EPB41: variants seen among roughly 807,000 people sequenced by gnomAD.
The protein encoded by EPB41 is protein 4.1.
A neutral mutation model predicts 108.0 loss-of-function variants in EPB41; 65 were observed. That is an observed-to-expected ratio of 0.60 (90% CI 0.49 to 0.74). The LOEUF (loss-of-function observed/expected upper bound fraction) is 0.74. Ranked by LOEUF, EPB41 falls within the 30% of genes least tolerant of loss-of-function variation. The pLI is 0.00. For synonymous variants in EPB41, 336 were observed against 358.9 expected, an observed-to-expected ratio of 0.94 and a Z score of 0.72; for missense variants, 875 against 1,037.0, an observed-to-expected ratio of 0.84 and a Z score of 2.15.
chr1:29,060,284 C>T, intron 14 of EPB41, 138 bp from the exon 15 acceptor site: 2 of 662,468 alleles, frequency 3.0e-6, no homozygotes, highest in South Asian at 1.7e-5. Flanking sequence ...ACTCTCTGAC[C>T]ATTTCATGTT....
At chr1:29,021,001 T>C (rs918709698) in intron 7 of EPB41, among the ~76,000 whole-genome samples, 4 of 152,186 alleles carry the variant, frequency 2.6e-5, no homozygotes, top group South Asian at 4.1e-4. Context: ...AGAGGACTTA[T>C]AGTCTCTCAT....
At chr1:28,891,786 A>C (rs1021655347) in intron 1 of EPB41, among the ~76,000 whole-genome samples, 6 of 151,998 alleles carry the variant, frequency 3.9e-5, no homozygotes, top group Non-Finnish European at 7.4e-5. Context: ...GCTGGAGAGA[A>C]GCCCTAAGAA....
chr1:28,943,450 C>T (rs979065573), intron 1 of EPB41, among the ~76,000 whole-genome samples: 4 of 152,020 alleles, frequency 2.6e-5, no homozygotes, highest in Non-Finnish European at 2.9e-5. Flanking sequence ...GTCAGGAGTT[C>T]GAGACCAGCC....
At chr1:29,030,293 G>A (rs966741551) in intron 7 of EPB41, 107 bp from the exon 8 acceptor site, 20 of 828,996 alleles carry the variant, frequency 2.4e-5, no homozygotes, top group African/African-American at 3.4e-5. Context: ...TCTTAATATA[G>A]TGGTATGTAT....
intron 17 of EPB41, among the ~76,000 whole-genome samples, chr1:29,106,467 A>T (rs1032947892): frequency 6.6e-5 from 9 of 137,170 alleles, no homozygotes; most frequent in Non-Finnish European, 9.5e-5. Context: ...TTATTTATTT[A>T]TTTTTTTGAG....
At chr1:29,101,357 A>G (rs189540683) in intron 17 of EPB41, among the ~76,000 whole-genome samples, 1 of 152,342 alleles carries the variant, frequency 6.6e-6, no homozygotes, top group Non-Finnish European at 1.5e-5. Flanking sequence ...TAAAGTGGGG[A>G]TAATACCACT....
chr1:29,016,757 A>T (rs942164218), intron 6 of EPB41, among the ~76,000 whole-genome samples: 2 of 152,190 alleles, frequency 1.3e-5, no homozygotes, highest in Non-Finnish European at 2.9e-5. Context: ...GTGCATATTT[A>T]TATTCATGAC....
Position 29,037,416 on chromosome 1 carries a change from G to A in EPB41, c.1463+1493G>A, listed in dbSNP as rs569260744. Among the ~76,000 whole-genome samples the A allele has an allele frequency of 1.4e-4, 21 of 152,198 alleles. No individual in the cohort carries two copies. In the South Asian group the frequency reaches 4.4e-3, roughly 32 times the overall value. On this transcript the variant is annotated intron_variant, in intron 10 of 20. Coordinates refer to ENST00000343067, the MANE Select transcript of EPB41 (RefSeq NM_001376013.1). ...TTAACCCCTTGAGTTCGTTTACCAA[G>A]CATTTTCTATGTGCTTACCCTTCTT...
At chr1:29,101,101 G>A (rs920024903) in intron 17 of EPB41, among the ~76,000 whole-genome samples, 3 of 152,056 alleles carry the variant, frequency 2.0e-5, no homozygotes, top group African/African-American at 7.2e-5. Context: ...GTGCATGCCT[G>A]TAATCCCAGC....
chr1:28,989,023 G>C (rs1190508392), intron 2 of EPB41, among the ~76,000 whole-genome samples: 2 of 152,210 alleles, frequency 1.3e-5, no homozygotes, highest in Non-Finnish European at 2.9e-5. Context: ...ATTAGGAACA[G>C]GACGGTTATC....
intron 1 of EPB41, among the ~76,000 whole-genome samples, chr1:28,971,364 A>G (rs935626042): frequency 4.6e-5 from 7 of 151,452 alleles, no homozygotes; most frequent in Admixed American, 1.3e-4. Context: ...TTGTATTTTT[A>G]GTAGAGACTG....
In EPB41 at chr1:29,039,333, G is replaced by A. The variant is rs767940050; in HGVS notation, c.1543G>A (p.Ala515Thr). ...ATTTCGATACAGTGGCCGGACTCAA[G>A]CTCAGACCAGGCAAGCTAGTGCTCT... is the stretch of plus-strand genomic sequence containing the variant. The part of the protein sequence containing the change: ...SKFRYSGRTQ[A>T]QTRQASALID... Residue 515 changes from alanine to threonine, a missense_variant, in exon 11 of 21, where the codon GCT (alanine) becomes ACT (threonine). By Grantham distance (58) the Ala-to-Thr change is moderately conservative. Coordinates refer to ENST00000343067, the MANE Select transcript of EPB41 (RefSeq NM_001376013.1). 5.0e-6 allele frequency: 8 copies of A among 1,614,140 alleles called. No individual in the cohort carries two copies. The South Asian group carries it at 8.8e-5, about 18-fold the overall frequency.
intron 1 of EPB41, among the ~76,000 whole-genome samples, chr1:28,907,578 G>A (rs1043743800): frequency 2.6e-5 from 4 of 152,056 alleles, no homozygotes; most frequent in Non-Finnish European, 2.9e-5. Context: ...GGTTGTTAAG[G>A]CATTCCTTGA....
intron 4 of EPB41, among the ~76,000 whole-genome samples, chr1:29,008,218 T>C (rs1326447539): frequency 6.6e-6 from 1 of 152,188 alleles, no homozygotes; most frequent in Non-Finnish European, 1.5e-5. Context: ...ACCCTCATCA[T>C]GAGCCCATCC....
intron 1 of EPB41, among the ~76,000 whole-genome samples, chr1:28,947,332 C>T (rs770787101): frequency 8.6e-5 from 13 of 151,700 alleles, no homozygotes; most frequent in Non-Finnish European, 1.8e-4. Flanking sequence ...CGCTTGATCT[C>T]GGGAGGCGGA....
intron 11 of EPB41, among the ~76,000 whole-genome samples, chr1:29,045,174 T>C (rs2150553437): frequency 6.6e-6 from 1 of 152,334 alleles, no homozygotes; most frequent in East Asian, 1.9e-4. Context: ...GTTGATTATA[T>C]GGATCAGTTT....
intron 1 of EPB41, among the ~76,000 whole-genome samples, chr1:28,963,561 C>T (rs1441218166): frequency 2.0e-5 from 3 of 152,134 alleles, no homozygotes; most frequent in Non-Finnish European, 4.4e-5. Flanking sequence ...CTCATAGTCC[C>T]TCTGGAGGAG....
intron 14 of EPB41, among the ~76,000 whole-genome samples, chr1:29,059,600 A>C (rs1399916074): frequency 6.6e-6 from 1 of 151,796 alleles, no homozygotes; most frequent in Non-Finnish European, 1.5e-5. Context: ...ACATAGGGAG[A>C]CCCCATCTCT....
At chr1:28,973,325 G>A (rs2095533765) in intron 1 of EPB41, among the ~76,000 whole-genome samples, 2 of 152,052 alleles carry the variant, frequency 1.3e-5, no homozygotes, top group African/African-American at 2.4e-5. Flanking sequence ...GATATTGGGG[G>A]TGGGGGAGAA....
Sources: gnomAD v4.1 joint callset for allele counts (sites outside exome capture counted in the v4.1 genomes callset) on GRCh38, gnomAD v4.1.1 for gene constraint, MANE v1.5 for transcripts, NCBI Gene and HGNC (gene_info 2026-07-23, HGNC 2026-07-21) for gene names.